PALS1: variants seen among roughly 807,000 people sequenced by gnomAD.
PALS1 encodes the protein protein PALS1.
In PALS1, 31 loss-of-function variants were observed where a neutral mutation model predicts 78.9. The ratio of observed to expected loss-of-function variants is 0.39; its 90% confidence interval spans 0.30 to 0.53. The LOEUF is 0.53. Ranked by LOEUF, PALS1 falls within the 20% of genes least tolerant of loss-of-function variation. The pLI is 0.67. For missense variants in PALS1, 704 were observed against 826.5 expected, an observed-to-expected ratio of 0.85 and a Z score of 1.82; for synonymous variants, 276 against 270.9, an observed-to-expected ratio of 1.02 and a Z score of -0.18.
At chr14:67,300,389 G>A (rs980207930) in intron 4 of PALS1, among the ~76,000 whole-genome samples, 5 of 148,954 alleles carry the variant, frequency 3.4e-5, no homozygotes, top group East Asian at 2.0e-4. Context: ...ATGCAGTGGC[G>A]CCATCTCAGC....
At chr14:67,291,156 A>AT (rs2084766137) in intron 3 of PALS1, among the ~76,000 whole-genome samples, 1 of 152,158 alleles carries the variant, frequency 6.6e-6, no homozygotes, top group Non-Finnish European at 1.5e-5. Context: ...ACGATTCCCA[A>AT]CAAATATGAC....
intron 11 of PALS1, among the ~76,000 whole-genome samples, chr14:67,319,600 G>C (rs1285160348): frequency 7.1e-6 from 1 of 140,266 alleles, no homozygotes; most frequent in African/African-American, 2.9e-5. Flanking sequence ...ACTAGAGATA[G>C]CTGATGAGCT....
rs546737445 is a variant in PALS1 at position 67,300,061 on chromosome 14, G to A, written c.577-1328G>A. Among the ~76,000 whole-genome samples, 29 of 152,246 alleles carry A rather than the reference G, an allele frequency of 1.9e-4. 2 individuals carry two copies. Among genetic ancestry groups the A allele is most frequent in the African/African-American group, 6.5e-4 (27 of 41,550 alleles). On this transcript the variant is annotated intron_variant, in intron 4 of 14. Coordinates refer to ENST00000261681, the MANE Select transcript of PALS1 (RefSeq NM_022474.4). ...TTAAAGCCTTAAAGCCTTGTCCATT[G>A]TAAGATTTTAGTTGAGTTCTTGAAG...
At position 67,321,005 on chromosome 14, in the gene PALS1, T is replaced by C. The variant is rs569476393; in HGVS notation, c.1538-52T>C. 373 of 1,468,872 alleles carry C rather than the reference T, an allele frequency of 2.5e-4. 1 individual carries two copies. In the African/African-American group the frequency reaches 4.5e-3, roughly 18 times the overall value. The allele number at this position is 1,468,872 out of a possible 1,614,324, so 91.0% of individuals were successfully genotyped here. On this transcript the variant is annotated intron_variant, in intron 12 of 14. Transcript: ENST00000261681. ...CTTTCTGACTAGCAGAATTATCCCC[T>C]GTCCTCACTCTAAGCCATGCCTGTT...
intron 8 of PALS1, among the ~76,000 whole-genome samples, chr14:67,305,044 G>T (rs898615424): frequency 6.6e-6 from 1 of 151,990 alleles, no homozygotes; most frequent in Admixed American, 6.6e-5. Flanking sequence ...CAGTTTTTTT[G>T]CAGGAAGAGA....
At chr14:67,288,762 C>T (rs2084728107) in intron 3 of PALS1, among the ~76,000 whole-genome samples, 1 of 151,978 alleles carries the variant, frequency 6.6e-6, no homozygotes, top group African/African-American at 2.4e-5. Flanking sequence ...CCTATCTATT[C>T]TTAATATTAG....
intron 11 of PALS1, among the ~76,000 whole-genome samples, chr14:67,319,610 TAAAAAAAAAAA>T (rs11366985): frequency 7.8e-6 from 1 of 128,608 alleles, no homozygotes; most frequent in East Asian, 2.1e-4. Context: ...GCTGATGAGC[TAAAAAAAAAAA>T]AAAAAAAATT....
At position 67,279,028 on chromosome 14, in the gene PALS1, T is replaced by C; in HGVS notation, c.-143T>C. 1 of 742,552 alleles carries C rather than the reference T, an allele frequency of 1.3e-6. No homozygotes were observed. Among genetic ancestry groups the C allele is most frequent in the Admixed American group, 3.7e-5 (1 of 27,148 alleles). 46.0% of individuals were successfully genotyped at this position (742,552 alleles called of 1,614,324 possible). Reference sequence around the variant, plus strand: ...CATCTTTCCCCTTAGATTTCCTTCATGGATACTTTTTCATAGCATTATTAT... The same window carrying C: ...CATCTTTCCCCTTAGATTTCCTTCACGGATACTTTTTCATAGCATTATTAT... On this transcript the variant is annotated 5_prime_UTR_variant, in exon 3 of 15. It removes an upstream start codon present in the reference 5' UTR. Transcript: ENST00000261681.
chr14:67,259,186 C>G (rs2084192270), intron 1 of PALS1, among the ~76,000 whole-genome samples: 1 of 151,418 alleles, frequency 6.6e-6, no homozygotes, highest in African/African-American at 2.4e-5. Context: ...CCTGAATGTT[C>G]TATGTATGTA....
intron 8 of PALS1, among the ~76,000 whole-genome samples, chr14:67,308,640 G>A (rs1055940391): frequency 2.0e-5 from 3 of 150,870 alleles, no homozygotes; most frequent in Non-Finnish European, 2.9e-5. Flanking sequence ...CCGCCTCCTG[G>A]GTTCAAGTGA....
intron 3 of PALS1, among the ~76,000 whole-genome samples, chr14:67,289,202 G>A (rs941362204): frequency 3.3e-5 from 5 of 151,594 alleles, no homozygotes; most frequent in African/African-American, 4.8e-5. Flanking sequence ...TCCTGACTTC[G>A]TGTGATCCAC....
intron 4 of PALS1, among the ~76,000 whole-genome samples, chr14:67,296,071 G>C (rs1163899656): frequency 1.3e-5 from 2 of 152,104 alleles, no homozygotes; most frequent in Admixed American, 1.3e-4. Context: ...ACAGCACCGA[G>C]ATGTGCCTAA....
At chr14:67,321,921 T>C (rs918770478) in intron 13 of PALS1, among the ~76,000 whole-genome samples, 6 of 152,160 alleles carry the variant, frequency 3.9e-5, no homozygotes, top group South Asian at 2.1e-4. Flanking sequence ...ATGAGAAAAA[T>C]TAGAAAATTT....
intron 1 of PALS1, among the ~76,000 whole-genome samples, chr14:67,268,392 A>G (rs950664162): frequency 6.6e-6 from 1 of 152,234 alleles, no homozygotes; most frequent in African/African-American, 2.4e-5. Context: ...TGCATGAGAA[A>G]GAATTTGGGG....
chr14:67,329,181 G>A (rs1376345661), intron 14 of PALS1, among the ~76,000 whole-genome samples: 1 of 152,158 alleles, frequency 6.6e-6, no homozygotes, highest in Non-Finnish European at 1.5e-5. Flanking sequence ...TCTCCTTGAA[G>A]AGGTCCTTCA....
intron 1 of PALS1, among the ~76,000 whole-genome samples, chr14:67,267,157 A>G (rs1396894603): frequency 6.6e-6 from 1 of 152,152 alleles, no homozygotes; most frequent in African/African-American, 2.4e-5. Context: ...TTGAGATATA[A>G]TTTACATGCA....
At chr14:67,326,274 T>C (rs1423653840) in intron 14 of PALS1, among the ~76,000 whole-genome samples, 1 of 131,308 alleles carries the variant, frequency 7.6e-6, no homozygotes, top group Non-Finnish European at 1.6e-5. Context: ...GGAGATTCTA[T>C]ATGTCACCCA....
intron 3 of PALS1, among the ~76,000 whole-genome samples, chr14:67,285,739 T>C (rs1312427865): frequency 6.6e-6 from 1 of 152,144 alleles, no homozygotes; most frequent in Non-Finnish European, 1.5e-5. Context: ...GTTCTAGGCA[T>C]TGGAAAGTAG....
intron 1 of PALS1, among the ~76,000 whole-genome samples, chr14:67,265,154 A>T (rs1027005987): frequency 2.0e-5 from 3 of 152,178 alleles, no homozygotes; most frequent in African/African-American, 7.2e-5. Context: ...TTGGAATGTA[A>T]TTATCTGGAT....
Sources: gnomAD v4.1 joint callset for allele counts (sites outside exome capture counted in the v4.1 genomes callset) on GRCh38, gnomAD v4.1.1 for gene constraint, MANE v1.5 for transcripts, NCBI Gene and HGNC (gene_info 2026-07-23, HGNC 2026-07-21) for gene names.